The following TPP2 variants were observed in gnomAD, a reference collection of about 807,000 sequenced individuals.
The protein encoded by TPP2 is tripeptidyl peptidase 2.
A neutral mutation model predicts 155.9 loss-of-function variants in TPP2; 34 were observed. The ratio of observed to expected loss-of-function variants is 0.22; its 90% CI spans 0.17 to 0.29. TPP2 has a LOEUF of 0.29. Ranked by LOEUF, TPP2 falls within the 10% of genes least tolerant of loss-of-function variation. The pLI, the probability that TPP2 is intolerant of heterozygous loss-of-function variation, is 1.00. For missense variants in TPP2, 1,028 were observed against 1,522.3 expected, an observed-to-expected ratio of 0.68 and a Z score of 5.40; for synonymous variants, 510 against 529.4, an observed-to-expected ratio of 0.96 and a Z score of 0.50.
chr13:102,646,339 G>A lies in TPP2; in HGVS notation c.2439G>A (p.Leu813=), dbSNP rs756539151. Residue 813 remains leucine (L), a synonymous_variant, in exon 20 of 30, where the codon TTG becomes TTA. Coordinates refer to ENST00000376052, the MANE Select transcript of TPP2 (RefSeq NM_001330588.2). ...AACCTTTAGGATCAAGAGATGTTTT[G>A]CCAAATAACCGTCAACTTTATGAGA... ...KTKPLGSRDV[L]PNNRQLYEMV... The A allele has an allele frequency of 4.3e-6, 7 of 1,613,124 alleles. No individual in the cohort carries two copies. The highest frequency in any genetic ancestry group is 4.2e-6 in the Non-Finnish European group (5 of 1,179,590).
rs1312399088 is a variant in TPP2 at position 102,597,077 on chromosome 13, C to T, written c.39C>T (p.His13=). ...CGACTGAGGAGCCCTTCCCTTTTCA[C>T]GGTCTCCTGCCGAAGAAGGAGACCG... The part of the protein sequence containing the change: ...TAATEEPFPF[H]GLLPKKETGA... Residue 13 remains histidine, a synonymous_variant, in exon 1 of 30, where the codon CAC becomes CAT. Transcript: ENST00000376052. 1.9e-6 allele frequency: 3 copies of T among 1,611,804 alleles called. No homozygotes were observed. Among genetic ancestry groups the T allele is most frequent in the Non-Finnish European group, 2.5e-6 (3 of 1,179,452 alleles).
chr13:102,662,223 A>G (rs1450466811), intron 25 of TPP2, among the ~76,000 whole-genome samples: 3 of 152,224 alleles, frequency 2.0e-5, no homozygotes, highest in Non-Finnish European at 4.4e-5. Context: ...CTATAGAGAT[A>G]GAAAGTAGAT....
Position 102,597,191 on chromosome 13 carries a change from T to C in TPP2, c.153T>C (p.Ala51=). The change falls in exon 1 of 30, where the codon GCT becomes GCC. Residue 51 remains alanine, a synonymous_variant. Transcript: ENST00000376052. ...AVLDTGVDPG[A]PGMQVTTDGK... ...TGGACACGGGGGTCGACCCGGGGGC[T>C]CCGGGCATGCAGGTGAGGCGGCCCC... is the stretch of plus-strand genomic sequence containing the variant. The C allele has an allele frequency of 2.7e-6, 4 of 1,499,282 alleles. No individual in the cohort carries two copies. In the Admixed American group the frequency reaches 6.6e-5, roughly 25 times the overall value. The allele number at this position is 1,499,282 out of a possible 1,614,324, so 92.9% of individuals were successfully genotyped here. A position where few individuals can be genotyped will look rare whatever the true frequency, so the allele number is the denominator to read the frequency against.
rs767069357 is a variant in TPP2 at position 102,597,000 on chromosome 13, C to G, written c.-39C>G. On this transcript the variant is annotated 5_prime_UTR_variant, in exon 1 of 30. Transcript: ENST00000376052. ...CTCGCGCTGCTAGTCCGCGCGCAGC[C>G]TGGCAGTTTGCCGCTTCCTCGTCCT... 6.9e-6 allele frequency: 11 copies of G among 1,603,504 alleles called. No homozygotes were observed. The African/African-American group carries it at 9.5e-5, about 14-fold the overall frequency.
chr13:102,671,154 G>T (rs1884957572), intron 27 of TPP2, among the ~76,000 whole-genome samples: 1 of 152,140 alleles, frequency 6.6e-6, no homozygotes, highest in Non-Finnish European at 1.5e-5. Flanking sequence ...TCTGCAAGGG[G>T]AATAGTATAA....
intron 27 of TPP2, 90 bp downstream of exon 27, chr13:102,665,015 T>A: frequency 6.8e-7 from 1 of 1,462,726 alleles, no homozygotes. Flanking sequence ...GGATATTGCT[T>A]TTCTGATGTT....
At chr13:102,616,146 G>C (rs530905866) in intron 3 of TPP2, among the ~76,000 whole-genome samples, 4 of 151,992 alleles carry the variant, frequency 2.6e-5, no homozygotes, top group Admixed American at 2.6e-4. Flanking sequence ...TAGTAGAGAC[G>C]GGGTTTCACC....
chr13:102,602,892 AGTTTTTTT>A (rs371075305), intron 1 of TPP2, among the ~76,000 whole-genome samples: 319 of 148,460 alleles, frequency 2.1e-3, no homozygotes, highest in Middle Eastern at 3.6e-3. Context: ...TTGAGGATGG[AGTTTTTTT>A]GTTTTTTTGT....
intron 3 of TPP2, among the ~76,000 whole-genome samples, chr13:102,615,955 C>CTTTTTTTTT (rs34368820): frequency 6.8e-6 from 1 of 147,858 alleles, no homozygotes; most frequent in Non-Finnish European, 1.5e-5. Context: ...TCATTAGAAA[C>CTTTTTTTTT]TTTTTTTTTT....
intron 1 of TPP2, among the ~76,000 whole-genome samples, chr13:102,598,601 T>C (rs916825359): frequency 1.3e-5 from 2 of 152,248 alleles, no homozygotes; most frequent in Non-Finnish European, 2.9e-5. Flanking sequence ...TGGGGCTTTA[T>C]TACAAAGTAA....
Position 102,629,543 on chromosome 13 carries a change from G to C in TPP2, c.1078G>C (p.Ala360Pro), listed in dbSNP as rs1418102653. ...GCATAATATAATTTATGTTTCAAGT[G>C]CTGGAAATAATGGTCCATGCCTGTC... ...WKHNIIYVSS[A>P]GNNGPCLSTV... The change falls in exon 9 of 30, where the codon GCT becomes CCT. Residue 360 changes from alanine (A) to proline (P), a missense_variant. By Grantham distance (27) the Ala-to-Pro change is conservative. This residue lies in a region of TPP2 where 63 missense variants were observed against 165.7 expected (regional missense o/e 0.38). Coordinates refer to ENST00000376052, the MANE Select transcript of TPP2 (RefSeq NM_001330588.2). 1 of 1,542,632 alleles carries C rather than the reference G, an allele frequency of 6.5e-7. No individual in the cohort carries two copies. The highest frequency in any genetic ancestry group is 8.7e-7 in the Non-Finnish European group (1 of 1,154,354).
At chr13:102,608,565 A>G (rs1880025125) in intron 2 of TPP2, among the ~76,000 whole-genome samples, 1 of 151,694 alleles carries the variant, frequency 6.6e-6, no homozygotes. Flanking sequence ...CAACATTGTA[A>G]CCCTTGTGTG....
At chr13:102,646,486 A>G (rs926851520) in intron 20 of TPP2, 96 bp downstream of exon 20, 39 of 789,172 alleles carry the variant, frequency 4.9e-5, no homozygotes, top group Non-Finnish European at 6.8e-5. Flanking sequence ...TGTATATGGT[A>G]TATATAAAAA....
At chr13:102,678,044 G>C (rs563969881) in intron 29 of TPP2, among the ~76,000 whole-genome samples, 183 bp from the exon 30 acceptor site, 5 of 152,150 alleles carry the variant, frequency 3.3e-5, no homozygotes, top group African/African-American at 1.2e-4. Context: ...TAGGAAAGTT[G>C]GTTGATAGTA....
rs1315761222 is a variant in TPP2 at position 102,622,811 on chromosome 13, T to C, written c.621-66T>C. 2.0e-6 allele frequency: 3 copies of C among 1,510,772 alleles called. No homozygotes were observed. In the African/African-American group the frequency reaches 4.2e-5, roughly 21 times the overall value. The allele number at this position is 1,510,772 out of a possible 1,614,324, so 93.6% of individuals were successfully genotyped here. On this transcript the variant is annotated intron_variant, in intron 5 of 29. Transcript: ENST00000376052. ...GTATAGTAAAATAGTGGAGAGACTA[T>C]GTTACATGATTTTTAGAAAGGTAAG... is the stretch of plus-strand genomic sequence containing the variant.
At chr13:102,627,663 C>G (rs1881729101) in intron 7 of TPP2, among the ~76,000 whole-genome samples, 185 bp from the exon 8 acceptor site, 1 of 148,468 alleles carries the variant, frequency 6.7e-6, no homozygotes, top group Admixed American at 6.7e-5. Flanking sequence ...TTTTATGTGT[C>G]TCCTCCTACC....
chr13:102,678,150 A>G, intron 29 of TPP2, 77 bp from the exon 30 acceptor site: 1 of 1,375,704 alleles, frequency 7.3e-7, no homozygotes, highest in Non-Finnish European at 1.0e-6. Flanking sequence ...ACTATTTAAT[A>G]CAGAATTTAT....
intron 2 of TPP2, among the ~76,000 whole-genome samples, chr13:102,609,745 GAAC>G (rs1880130502): frequency 1.3e-5 from 2 of 151,982 alleles, no homozygotes; most frequent in Admixed American, 6.6e-5. Context: ...ATCATCACAA[GAAC>G]AACAAGGGGG....
chr13:102,636,190 ATT>A, intron 12 of TPP2, 32 bp from the exon 13 acceptor site: 1 of 1,554,126 alleles, frequency 6.4e-7, no homozygotes, highest in South Asian at 1.2e-5. Context: ...TGACCCAACC[ATT>A]TATATCTTAC....
Sources: gnomAD v4.1 joint callset for allele counts (sites outside exome capture counted in the v4.1 genomes callset) on GRCh38, gnomAD v4.1.1 for gene constraint, gnomAD v4.1.1 regional missense constraint, MANE v1.5 for transcripts, NCBI Gene and HGNC (gene_info 2026-07-23, HGNC 2026-07-21) for gene names.